The following RAD51 variants were observed in gnomAD, a reference collection of about 807,000 sequenced individuals.
The protein encoded by RAD51 is RAD51 recombinase, also known as DNA repair protein RAD51 homolog 1.
Under a neutral mutation model 41.5 loss-of-function variants are expected in RAD51, and 14 were observed. The ratio of observed to expected loss-of-function variants is 0.34; its 90% CI spans 0.22 to 0.53. The LOEUF is 0.53. RAD51 is among the 20% of genes least tolerant of loss of function. The pLI, the probability that RAD51 is intolerant of heterozygous loss-of-function variation, is 0.95. For synonymous variants in RAD51, 136 were observed against 148.6 expected (o/e 0.92, Z 0.62); for missense variants, 234 against 422.0 (o/e 0.55, Z 3.90).
rs779286806 is a variant in RAD51 at position 40,701,110 on chromosome 15, G to C, written c.134G>C (p.Gly45Ala). 6.2e-7 allele frequency: 1 copy of C among 1,614,240 alleles called. No individual in the cohort carries two copies. Among genetic ancestry groups the C allele is most frequent in the Non-Finnish European group, 8.5e-7 (1 of 1,180,044 alleles). ...ANDVKKLEEAGFHTVEAVAYA... is the reference protein window; with the variant it reads ...ANDVKKLEEAAFHTVEAVAYA... ...GATGTGAAGAAATTGGAAGAAGCTG[G>C]ATTCCATACTGTGGAGGCTGTTGCC... The change falls in exon 3 of 10, where the codon GGA becomes GCA. Residue 45 changes from glycine to alanine, a missense_variant. Around this residue, in one of 2 missense-constraint regions of RAD51, gnomAD observed 100 missense variants for 135.5 expected, o/e 0.74. Transcript: ENST00000267868.
At chr15:40,716,745 C>G (rs1191729039) in intron 5 of RAD51, among the ~76,000 whole-genome samples, 2 of 146,248 alleles carry the variant, frequency 1.4e-5, no homozygotes, top group Admixed American at 1.4e-4. Context: ...ACTGCAAGCT[C>G]TGCCTCCCAG....
intron 6 of RAD51, among the ~76,000 whole-genome samples, chr15:40,720,595 C>G (rs531077141): frequency 6.6e-6 from 1 of 151,892 alleles, no homozygotes; most frequent in African/African-American, 2.4e-5. Context: ...AGGAATCCAT[C>G]CACAAGAAAA....
At chr15:40,698,893 C>T (rs1894816733) in intron 2 of RAD51, 48 bp downstream of exon 2, 2 of 1,545,556 alleles carry the variant, frequency 1.3e-6, no homozygotes, top group Admixed American at 3.3e-5. Flanking sequence ...GATTCTTCTA[C>T]CTAGTGGAAG....
At chr15:40,721,279 CAT>C (rs1156996563) in intron 6 of RAD51, among the ~76,000 whole-genome samples, 1 of 152,004 alleles carries the variant, frequency 6.6e-6, no homozygotes, top group Admixed American at 6.6e-5. Flanking sequence ...ACAAAGTAAT[CAT>C]AATATTTATG....
chr15:40,706,680 T>A (rs1436553239), intron 4 of RAD51, among the ~76,000 whole-genome samples: 11 of 152,072 alleles, frequency 7.2e-5, no homozygotes, highest in South Asian at 2.1e-4. Context: ...CCAGCCTGGG[T>A]GACGAGCAAA....
At chr15:40,711,354 A>G (rs1020330485) in intron 5 of RAD51, among the ~76,000 whole-genome samples, 1 of 152,172 alleles carries the variant, frequency 6.6e-6, no homozygotes, top group Non-Finnish European at 1.5e-5. Flanking sequence ...CTTGAGCCCA[A>G]GAGGTCGAGG....
At chr15:40,716,941 C>T (rs1467549015) in intron 5 of RAD51, among the ~76,000 whole-genome samples, 2 of 151,948 alleles carry the variant, frequency 1.3e-5, no homozygotes, top group East Asian at 3.9e-4. Flanking sequence ...GGATTACAGG[C>T]GTTAGCCACT....
At chr15:40,717,911 C>T (rs1896065691) in intron 5 of RAD51, among the ~76,000 whole-genome samples, 2 of 152,126 alleles carry the variant, frequency 1.3e-5, no homozygotes, top group African/African-American at 4.8e-5. Context: ...TTGAATTGAT[C>T]AGTCTTGTGT....
chr15:40,703,241 A>G (rs1463512811), intron 3 of RAD51, among the ~76,000 whole-genome samples: 1 of 152,100 alleles, frequency 6.6e-6, no homozygotes, highest in East Asian at 1.9e-4. Flanking sequence ...AGTGTCTAGT[A>G]CATGTTTGTT....
intron 2 of RAD51, 113 bp from the exon 3 acceptor site, chr15:40,700,951 A>T: frequency 2.8e-5 from 13 of 466,692 alleles, no homozygotes; most frequent in Non-Finnish European, 4.5e-5. Context: ...ATTTCAAGGG[A>T]CAGTTGTATT....
chr15:40,725,962 G>A (rs1176650381), intron 6 of RAD51, among the ~76,000 whole-genome samples: 3 of 151,798 alleles, frequency 2.0e-5, no homozygotes, highest in Non-Finnish European at 4.4e-5. Context: ...CTCCAGACTG[G>A]GCGACAGAGT....
At chr15:40,707,337 C>T (rs1016934663) in intron 4 of RAD51, among the ~76,000 whole-genome samples, 1 of 149,220 alleles carries the variant, frequency 6.7e-6, no homozygotes, top group Non-Finnish European at 1.5e-5. Flanking sequence ...GACAGAGTCT[C>T]ACTCTGTTAC....
intron 8 of RAD51, 32 bp downstream of exon 8, chr15:40,729,666 AC>A (rs770412623): frequency 5.6e-5 from 91 of 1,613,010 alleles, no homozygotes; most frequent in Admixed American, 1.7e-4. Context: ...GAGAATGCCT[AC>A]TTTCAGTGGC....
At chr15:40,721,700 A>C (rs1268594196) in intron 6 of RAD51, among the ~76,000 whole-genome samples, 2 of 152,208 alleles carry the variant, frequency 1.3e-5, no homozygotes, top group African/African-American at 4.8e-5. Context: ...GCTGATGTAG[A>C]TGAATTTCCA....
At chr15:40,701,376 CTTTT>C (rs57054958) in intron 3 of RAD51, among the ~76,000 whole-genome samples, 175 bp downstream of exon 3, 1 of 109,988 alleles carries the variant, frequency 9.1e-6, no homozygotes, top group Non-Finnish European at 1.8e-5. Context: ...TTTTTTCTTT[CTTTT>C]TTTTTTTTTT....
chr15:40,712,722 T>C (rs370387601), intron 5 of RAD51, among the ~76,000 whole-genome samples: 5 of 152,252 alleles, frequency 3.3e-5, no homozygotes, highest in Middle Eastern at 3.4e-3. Context: ...TTAATCTAGA[T>C]AGATTATACC....
At chr15:40,702,014 C>G (rs1895036452) in intron 3 of RAD51, 1 of 192,410 alleles carries the variant, frequency 5.2e-6, no homozygotes, top group South Asian at 6.5e-5. Flanking sequence ...GATCTCCTGA[C>G]CTTGTGATCT....
chr15:40,731,568 A>G lies in RAD51; in HGVS notation c.*390A>G, dbSNP rs770612340. The G allele has an allele frequency of 2.5e-4, 82 of 328,088 alleles. 1 individual carries two copies. Among genetic ancestry groups the G allele is most frequent in the Non-Finnish European group, 3.3e-4 (58 of 175,650 alleles). The allele number at this position is 328,088 out of a possible 1,614,324, so 20.3% of individuals were successfully genotyped here. On this transcript the variant is annotated 3_prime_UTR_variant, in exon 10 of 10. Coordinates refer to ENST00000267868, the MANE Select transcript of RAD51 (RefSeq NM_002875.5). ...TCACTTCTAAATTAATGGTAAAATA[A>G]AATGCCTCAGCTATGTAGCAAAGGG...
rs751900607 is a variant in RAD51, at chr15:40,707,150, A to ATTTTTTT, written c.343+876_343+882dup. Among the ~76,000 whole-genome samples the ATTTTTTT allele has an allele frequency of 3.7e-4, 35 of 93,622 alleles. 1 individual carries two copies. The East Asian group carries it at 6.0e-3, about 16-fold the overall frequency. The allele number at this position is 93,622 out of a possible 152,430, so 61.4% of individuals were successfully genotyped here. ...ACTATGATCATTTACCACCTGGCTA[A>ATTTTTTT]TTTTTTTTTTTTTTTTTTTTTTTTT... On this transcript the variant is annotated intron_variant, in intron 4 of 9. Transcript: ENST00000267868.
Sources: allele counts gnomAD v4.1 joint callset (sites outside exome capture counted in the v4.1 genomes callset), GRCh38; gene constraint gnomAD v4.1.1; regional missense constraint gnomAD v4.1.1; transcripts MANE v1.5; gene names NCBI Gene and HGNC (gene_info 2026-07-23, HGNC 2026-07-21).